Variants in DEPTOR observed in about 807,000 individuals in gnomAD.
DEPTOR encodes DEP domain-containing mTOR-interacting protein.
A neutral mutation model predicts 41.6 loss-of-function variants in DEPTOR; 41 were observed. The observed-to-expected ratio is 0.98, with a 90% CI of 0.77 to 1.28. The LOEUF is 1.28. Ranked by LOEUF, DEPTOR falls within the 50% of genes most tolerant of loss-of-function variation. The pLI is 0.00. For missense variants in DEPTOR, 514 were observed against 527.9 expected (o/e 0.97, Z 0.26); for synonymous variants, 195 against 192.3 (o/e 1.01, Z -0.12).
intron 8 of DEPTOR, among the ~76,000 whole-genome samples, chr8:120,045,861 A>G (rs1307821123): frequency 1.3e-5 from 2 of 152,186 alleles, no homozygotes; most frequent in Non-Finnish European, 2.9e-5. Flanking sequence ...CCTGACCAGT[A>G]TTAGTGACTG....
intron 1 of DEPTOR, among the ~76,000 whole-genome samples, chr8:119,882,493 C>T (rs571087284): frequency 2.6e-5 from 4 of 152,142 alleles, no homozygotes; most frequent in Admixed American, 2.0e-4. Flanking sequence ...GTCCTGGGCT[C>T]TTGTGATCCT....
In DEPTOR at chr8:119,998,404, G is replaced by A. The variant is rs116175179; in HGVS notation, c.605-3121G>A. On this transcript the variant is annotated intron_variant, in intron 4 of 8. Coordinates refer to ENST00000286234, the MANE Select transcript of DEPTOR (RefSeq NM_022783.4). ...CCTGGCCTCATTGTGGGGTTTTAATGTGTATTTCCATATTGACTAATGAGG... is the reference window on the plus strand; with the variant it reads ...CCTGGCCTCATTGTGGGGTTTTAATATGTATTTCCATATTGACTAATGAGG... Among the ~76,000 whole-genome samples the A allele has an allele frequency of 1.9e-3, 290 of 152,250 alleles. 1 individual carries two copies. The highest frequency in any genetic ancestry group is 6.6e-3 in the African/African-American group (274 of 41,554).
chr8:120,000,673 G>A (rs1178520763), intron 4 of DEPTOR, among the ~76,000 whole-genome samples: 2 of 151,882 alleles, frequency 1.3e-5, no homozygotes, highest in Non-Finnish European at 2.9e-5. Flanking sequence ...ATGTTGGCCA[G>A]GCTGGTGTCA....
At chr8:119,971,750 A>G (rs1003921356) in intron 4 of DEPTOR, among the ~76,000 whole-genome samples, 1 of 152,152 alleles carries the variant, frequency 6.6e-6, no homozygotes, top group Non-Finnish European at 1.5e-5. Context: ...TCAAAGTGCT[A>G]TATTTTGGGG....
At chr8:120,012,882 C>T (rs1812551951) in intron 8 of DEPTOR, among the ~76,000 whole-genome samples, 1 of 152,002 alleles carries the variant, frequency 6.6e-6, no homozygotes, top group South Asian at 2.1e-4. Flanking sequence ...GGAGGCCAGG[C>T]TCAGTGGCTC....
At chr8:119,987,449 G>A (rs1341020344) in intron 4 of DEPTOR, among the ~76,000 whole-genome samples, 1 of 152,156 alleles carries the variant, frequency 6.6e-6, no homozygotes, top group Non-Finnish European at 1.5e-5. Context: ...AGAGCTCTCC[G>A]GTATGAGATG....
intron 1 of DEPTOR, among the ~76,000 whole-genome samples, chr8:119,875,637 G>A (rs1365502592): frequency 6.6e-6 from 1 of 152,216 alleles, no homozygotes; most frequent in African/African-American, 2.4e-5. Context: ...CAGGTAAGCT[G>A]CTGGGACTGA....
chr8:119,874,096 C>T (rs927428561), intron 1 of DEPTOR, 128 bp downstream of exon 1: 9 of 1,499,906 alleles, frequency 6.0e-6, no homozygotes, highest in African/African-American at 5.8e-5. Context: ...CGGCTGCGGG[C>T]GCGTGGATGG....
At chr8:119,933,351 G>A (rs545819208) in intron 3 of DEPTOR, among the ~76,000 whole-genome samples, 17 of 151,896 alleles carry the variant, frequency 1.1e-4, no homozygotes, top group Admixed American at 9.2e-4. Context: ...TTAGCTGGGC[G>A]TGGTGGCTGG....
intron 8 of DEPTOR, among the ~76,000 whole-genome samples, chr8:120,040,315 G>T (rs552692713): frequency 6.6e-6 from 1 of 152,006 alleles, no homozygotes; most frequent in Non-Finnish European, 1.5e-5. Flanking sequence ...GGTGGCTCAC[G>T]CCTGTAATCC....
chr8:119,933,501 A>ACACACAC (rs1563969696), intron 3 of DEPTOR, among the ~76,000 whole-genome samples: 1 of 97,372 alleles, frequency 1.0e-5, no homozygotes, highest in African/African-American at 4.1e-5. Context: ...CACACACACA[A>ACACACAC]TGTTTATTAT....
intron 8 of DEPTOR, among the ~76,000 whole-genome samples, chr8:120,030,497 GTTTT>G (rs1171655489): frequency 1.1e-3 from 51 of 46,208 alleles, no homozygotes; most frequent in South Asian, 3.6e-3. Context: ...AGGTTCATCA[GTTTT>G]TTTTTTTTTT....
chr8:120,046,917 G>A (rs1194689174), intron 8 of DEPTOR, among the ~76,000 whole-genome samples: 1 of 152,222 alleles, frequency 6.6e-6, no homozygotes, highest in Non-Finnish European at 1.5e-5. Context: ...GAGTGTCCAT[G>A]CCATGTGTAG....
intron 1 of DEPTOR, among the ~76,000 whole-genome samples, chr8:119,899,390 A>G (rs6993375): frequency 0.5 from 75,713 of 152,080 alleles, 20,568 homozygotes; most frequent in East Asian, 0.92. Context: ...ATTCATTTTC[A>G]TATCTTCTTT....
chr8:119,924,671 TTTA>T (rs1415310670), intron 1 of DEPTOR, among the ~76,000 whole-genome samples: 7 of 152,206 alleles, frequency 4.6e-5, no homozygotes, highest in Non-Finnish European at 8.8e-5. Context: ...CCTAAATCAC[TTTA>T]TTATATCATG....
intron 4 of DEPTOR, among the ~76,000 whole-genome samples, chr8:119,993,171 C>G (rs749931997): frequency 6.6e-6 from 1 of 152,142 alleles, no homozygotes; most frequent in Non-Finnish European, 1.5e-5. Context: ...ATATCTGTAC[C>G]ATGTCACTTT....
At chr8:120,008,955 T>C in intron 7 of DEPTOR, 74 bp from the exon 8 acceptor site, 2 of 1,448,012 alleles carry the variant, frequency 1.4e-6, no homozygotes, top group Non-Finnish European at 1.9e-6. Context: ...CTGGGCTGGT[T>C]TTCTCTCCCT....
At chr8:120,015,628 TAAG>T (rs1430822431) in intron 8 of DEPTOR, among the ~76,000 whole-genome samples, 1 of 152,112 alleles carries the variant, frequency 6.6e-6, no homozygotes, top group African/African-American at 2.4e-5. Flanking sequence ...GGAGTGGTTT[TAAG>T]AAGTAGAGAG....
chr8:119,954,954 G>C (rs1202148020), intron 3 of DEPTOR, among the ~76,000 whole-genome samples: 1 of 152,072 alleles, frequency 6.6e-6, no homozygotes, highest in African/African-American at 2.4e-5. Context: ...CGTCTCCTGG[G>C]TTCAAGCGAT....
Sources: gnomAD v4.1 joint callset for allele counts (sites outside exome capture counted in the v4.1 genomes callset) on GRCh38, gnomAD v4.1.1 for gene constraint, MANE v1.5 for transcripts, NCBI Gene and HGNC (gene_info 2026-07-23, HGNC 2026-07-21) for gene names.